The following ARSG variants were observed in gnomAD, a reference collection of about 807,000 sequenced individuals.
ARSG encodes arylsulfatase G, also known as ASG.
Under a neutral mutation model 50.5 loss-of-function variants are expected in ARSG, and 37 were observed. The observed-to-expected ratio is 0.73, with a 90% CI of 0.56 to 0.96. The LOEUF is 0.96. ARSG is among the 50% of genes least tolerant of loss of function. The pLI is 0.00. For synonymous variants in ARSG, 225 were observed against 254.6 expected (o/e 0.88, Z 1.11); for missense variants, 629 against 675.3 (o/e 0.93, Z 0.76).
intron 2 of ARSG, among the ~76,000 whole-genome samples, chr17:68,317,583 G>T (rs751556377): frequency 4.6e-5 from 7 of 151,796 alleles, no homozygotes; most frequent in Non-Finnish European, 1.0e-4. Flanking sequence ...TGTATGCACC[G>T]CAAGGCCCCA....
At chr17:68,345,060 C>T (rs1224412667) in intron 3 of ARSG, among the ~76,000 whole-genome samples, 2 of 152,208 alleles carry the variant, frequency 1.3e-5, no homozygotes, top group Non-Finnish European at 2.9e-5. Context: ...TTTCCAATCC[C>T]TTTCTTCCCA....
At chr17:68,401,141 A>G (rs369567663) in intron 10 of ARSG, 152 of 520,078 alleles carry the variant, frequency 2.9e-4, no homozygotes, top group South Asian at 1.6e-3. Flanking sequence ...CTCTCACCTC[A>G]GCTTCCAAGT....
chr17:68,442,681 CA>C, the ARSG span, among the ~76,000 whole-genome samples: 1 of 152,174 alleles, frequency 6.6e-6, no homozygotes, highest in East Asian at 1.9e-4. Flanking sequence ...AGGCCCAGCT[CA>C]GGCCCTGCCA....
chr17:68,433,579 C>T, the ARSG span: 5 of 1,612,280 alleles, frequency 3.1e-6, no homozygotes, highest in East Asian at 2.2e-5. Flanking sequence ...CACATACCTA[C>T]AAGCACAGCA....
the ARSG span, among the ~76,000 whole-genome samples, chr17:68,438,085 A>G: frequency 1.3e-4 from 20 of 152,184 alleles, no homozygotes; most frequent in East Asian, 1.5e-3. Flanking sequence ...GAGGAAGGAG[A>G]GCAAAGGAAA....
chr17:68,270,240 T>C (rs1555748011), intron 1 of ARSG, among the ~76,000 whole-genome samples: 1 of 152,068 alleles, frequency 6.6e-6, no homozygotes. Flanking sequence ...TTGCCTAGCA[T>C]GAGAGAAGGC....
At position 68,272,550 on chromosome 17, in the gene ARSG, C is replaced by T. The variant is rs541108983; in HGVS notation, c.-552+13124C>T. On this transcript the variant is annotated intron_variant, in intron 1 of 11. Transcript: ENST00000448504. ...TCATTACACATACACTGAAAGTCATCCATACTGTTGGCAAAAGTTAGCGTA... is the reference window on the plus strand; with the variant it reads ...TCATTACACATACACTGAAAGTCATTCATACTGTTGGCAAAAGTTAGCGTA... The T allele has an allele frequency of 6.1e-5, 89 of 1,467,282 alleles. 1 individual carries two copies. The South Asian group carries it at 1.0e-3, about 17-fold the overall frequency. 90.9% of individuals were successfully genotyped at this position (1,467,282 alleles called of 1,614,324 possible). A position where few individuals can be genotyped will look rare whatever the true frequency, so the allele number is the denominator to read the frequency against.
intron 2 of ARSG, among the ~76,000 whole-genome samples, chr17:68,335,481 G>A (rs1054477730): frequency 6.6e-6 from 1 of 151,402 alleles, no homozygotes; most frequent in African/African-American, 2.4e-5. Flanking sequence ...GTGAACCCAG[G>A]AGGCGGAGCT....
intron 9 of ARSG, among the ~76,000 whole-genome samples, chr17:68,391,623 T>A (rs1331331883): frequency 6.6e-6 from 1 of 152,178 alleles, no homozygotes; most frequent in East Asian, 1.9e-4. Flanking sequence ...GTGACGCTGA[T>A]CTCTCTTAGG....
intron 9 of ARSG, among the ~76,000 whole-genome samples, chr17:68,386,243 A>G (rs939990449): frequency 1.3e-5 from 2 of 152,172 alleles, no homozygotes; most frequent in African/African-American, 4.8e-5. Flanking sequence ...GTGTTCACTA[A>G]CAAGGGGAAC....
At chr17:68,306,480 C>T (rs1344278003) in intron 1 of ARSG, among the ~76,000 whole-genome samples, 2 of 152,202 alleles carry the variant, frequency 1.3e-5, no homozygotes, top group African/African-American at 4.8e-5. Flanking sequence ...TGACTTGAGC[C>T]AGGAGTTCAA....
At chr17:68,260,265 C>T (rs1366266932) in intron 1 of ARSG, among the ~76,000 whole-genome samples, 1 of 152,160 alleles carries the variant, frequency 6.6e-6, no homozygotes, top group East Asian at 1.9e-4. Context: ...CCCAAGTCTC[C>T]CTAATGTTGA....
Position 68,400,736 on chromosome 17 carries a change from G to C in ARSG, c.1213-624G>C, listed in dbSNP as rs77286751. On this transcript the variant is annotated intron_variant, in intron 10 of 11. Coordinates refer to ENST00000621439, the MANE Select transcript of ARSG (RefSeq NM_001267727.2). ...ATGAAATTTTAAGTTTGTGAACAAG[G>C]TATCCCTGATTTGCATTTTGTTGTG... 1.5e-3 allele frequency among the ~76,000 whole-genome samples: 233 copies of C among 152,320 alleles called. 1 individual carries two copies. Among genetic ancestry groups the C allele is most frequent in the African/African-American group, 5.5e-3 (227 of 41,570 alleles).
Position 68,333,960 on chromosome 17 carries a change from C to A in ARSG, c.219-9644C>A, listed in dbSNP as rs114268821. ...AAACCTGTGCCTAGGGAATTTTACC[C>A]AAGGCCCCCAGTGATGGAGGGAAGA... On this transcript the variant is annotated intron_variant, in intron 2 of 11. Coordinates refer to ENST00000621439, the MANE Select transcript of ARSG (RefSeq NM_001267727.2). Among the ~76,000 whole-genome samples the A allele has an allele frequency of 9.2e-3, 1,407 of 152,218 alleles. 26 individuals carry two copies. Among genetic ancestry groups the A allele is most frequent in the African/African-American group, 0.032 (1,341 of 41,526 alleles).
intron 11 of ARSG, among the ~76,000 whole-genome samples, chr17:68,419,585 A>C (rs1407178129): frequency 6.6e-6 from 1 of 152,120 alleles, no homozygotes; most frequent in Non-Finnish European, 1.5e-5. Flanking sequence ...TTGAAAAAAT[A>C]ATTATATCCT....
chr17:68,371,510 A>G (rs1455031008), intron 8 of ARSG, among the ~76,000 whole-genome samples: 1 of 152,146 alleles, frequency 6.6e-6, no homozygotes, highest in Non-Finnish European at 1.5e-5. Context: ...CTCAGCTCCC[A>G]TCTGCTCTGG....
downstream of ARSG, among the ~76,000 whole-genome samples, chr17:68,426,599 C>A (rs1258457662): frequency 6.6e-6 from 1 of 152,210 alleles, no homozygotes; most frequent in Non-Finnish European, 1.5e-5. Flanking sequence ...GTGGTATGAT[C>A]TCAGCTCACT....
At chr17:68,272,929 G>A (rs1268277420) in intron 1 of ARSG, among the ~76,000 whole-genome samples, 7 of 151,876 alleles carry the variant, frequency 4.6e-5, no homozygotes, top group Non-Finnish European at 7.4e-5. Context: ...AGAAAAATGG[G>A]TTTCATTAAC....
At chr17:68,374,629 A>T (rs1217728186) in intron 8 of ARSG, among the ~76,000 whole-genome samples, 1 of 152,140 alleles carries the variant, frequency 6.6e-6, no homozygotes, top group Non-Finnish European at 1.5e-5. Flanking sequence ...AGGCAAGAAG[A>T]TAGCTTGAGG....
Sources: gnomAD v4.1 joint callset for allele counts (sites outside exome capture counted in the v4.1 genomes callset) on GRCh38, gnomAD v4.1.1 for gene constraint, MANE v1.5 for transcripts, NCBI Gene and HGNC (gene_info 2026-07-23, HGNC 2026-07-21) for gene names.